TMEM232: variants seen among roughly 807,000 people sequenced by gnomAD.
TMEM232 encodes the protein transmembrane protein 232.
In TMEM232, 80 loss-of-function variants were observed where a neutral mutation model predicts 78.8. The ratio of observed to expected loss-of-function variants is 1.01; its 90% CI spans 0.85 to 1.22. The LOEUF is 1.22. Among genes scored for constraint, TMEM232 ranks in the 50% most tolerant of loss-of-function variants. The pLI, the probability that TMEM232 is intolerant of heterozygous loss-of-function variation, is 0.00. For missense variants in TMEM232, 881 were observed against 742.2 expected (o/e 1.19, Z -2.17); for synonymous variants, 297 against 254.3 (o/e 1.17, Z -1.60).
chr5:110,486,828 A>AT (rs912880479), intron 12 of TMEM232, among the ~76,000 whole-genome samples: 23 of 149,458 alleles, frequency 1.5e-4, no homozygotes, highest in East Asian at 5.9e-4. Flanking sequence ...GAATTTTAGA[A>AT]TTTTTTTTTT....
At chr5:110,634,186 G>T (rs2149985667) in intron 5 of TMEM232, among the ~76,000 whole-genome samples, 1 of 152,180 alleles carries the variant, frequency 6.6e-6, no homozygotes, top group South Asian at 2.1e-4. Flanking sequence ...GGAGCACCCA[G>T]ATTCACAAAA....
chr5:110,564,831 A>C (rs1776150859), intron 11 of TMEM232, among the ~76,000 whole-genome samples: 1 of 151,954 alleles, frequency 6.6e-6, no homozygotes, highest in South Asian at 2.1e-4. Context: ...TGAAGAGAAA[A>C]TACCAACCCA....
At chr5:110,410,210 C>G (rs1755940734) in intron 2 of TMEM232, among the ~76,000 whole-genome samples, 2 of 152,138 alleles carry the variant, frequency 1.3e-5, no homozygotes, top group Non-Finnish European at 2.9e-5. Flanking sequence ...TGAGTGTGGC[C>G]TTCCAATTCA....
exon 3 of TMEM232, chr5:110,397,825 G>A (rs949216571): frequency 1.3e-5 from 2 of 152,532 alleles, no homozygotes; most frequent in Non-Finnish European, 2.9e-5. Context: ...GTAACATGAT[G>A]TATAATTTTG....
chr5:110,433,952 T>C (rs951012652), intron 12 of TMEM232, among the ~76,000 whole-genome samples: 1 of 152,006 alleles, frequency 6.6e-6, no homozygotes, highest in Non-Finnish European at 1.5e-5. Flanking sequence ...TTTTCTGTGA[T>C]GTCTTTGCCA....
chr5:110,519,499 G>C (rs1365344831), intron 12 of TMEM232, among the ~76,000 whole-genome samples: 3 of 152,036 alleles, frequency 2.0e-5, no homozygotes, highest in Non-Finnish European at 4.4e-5. Context: ...GTGGAGAAAG[G>C]GGAACACTTG....
At chr5:110,539,653 G>A (rs771807215) in intron 11 of TMEM232, among the ~76,000 whole-genome samples, 3 of 152,210 alleles carry the variant, frequency 2.0e-5, no homozygotes, top group Non-Finnish European at 4.4e-5. Flanking sequence ...GGGCCTTAGA[G>A]AGGGATCTAA....
chr5:110,694,483 T>C (rs1794522871), intron 1 of TMEM232, among the ~76,000 whole-genome samples: 1 of 152,110 alleles, frequency 6.6e-6, no homozygotes, highest in South Asian at 2.1e-4. Context: ...ATGGGCTAAA[T>C]GCTACAATTA....
In TMEM232 at chr5:110,688,624, A is replaced by G. The variant is rs371689843; in HGVS notation, c.-12-21260T>C. ...GAGGTATGACAAACCAAAGGAGGCCATATAGATGGGACAATTGACCCAATA... is the reference window on the plus strand; with the variant it reads ...GAGGTATGACAAACCAAAGGAGGCCGTATAGATGGGACAATTGACCCAATA... On this transcript the variant is annotated intron_variant, in intron 1 of 13. Transcript: ENST00000455884. 5.9e-5 allele frequency among the ~76,000 whole-genome samples: 9 copies of G among 152,166 alleles called. No individual in the cohort carries two copies. In the East Asian group the frequency reaches 9.6e-4, roughly 16 times the overall value.
At chr5:110,395,649 T>G (rs185786194) in intron 3 of TMEM232, among the ~76,000 whole-genome samples, 1 of 152,242 alleles carries the variant, frequency 6.6e-6, no homozygotes, top group East Asian at 1.9e-4. Flanking sequence ...AGTATGGGAG[T>G]GATACTCTTT....
intron 12 of TMEM232, among the ~76,000 whole-genome samples, chr5:110,468,196 A>T (rs1055791004): frequency 6.9e-6 from 1 of 145,862 alleles, no homozygotes; most frequent in African/African-American, 2.5e-5. Context: ...CCAGAATACA[A>T]TGAAATAACA....
chr5:110,562,071 G>A (rs1001419741), intron 11 of TMEM232, among the ~76,000 whole-genome samples: 1 of 152,042 alleles, frequency 6.6e-6, no homozygotes, highest in Non-Finnish European at 1.5e-5. Flanking sequence ...AACATACCAT[G>A]AGTTCCAAAG....
chr5:110,573,296 G>A (rs972836949), intron 10 of TMEM232, among the ~76,000 whole-genome samples: 4 of 152,014 alleles, frequency 2.6e-5, no homozygotes, highest in Admixed American at 6.6e-5. Context: ...GTGTACATAA[G>A]TATAGCCTTT....
intron 1 of TMEM232, among the ~76,000 whole-genome samples, chr5:110,737,250 T>C (rs974506685): frequency 6.6e-6 from 1 of 151,904 alleles, no homozygotes; most frequent in African/African-American, 2.4e-5. Context: ...AACAACTGTA[T>C]GGATATACAC....
intron 5 of TMEM232, among the ~76,000 whole-genome samples, chr5:110,631,897 G>A (rs1304755778): frequency 1.3e-5 from 2 of 151,604 alleles, no homozygotes; most frequent in Admixed American, 6.6e-5. Flanking sequence ...GTCCACCACT[G>A]TCACTATCAG....
At chr5:110,503,875 A>G (rs988220188) in intron 12 of TMEM232, among the ~76,000 whole-genome samples, 4 of 152,242 alleles carry the variant, frequency 2.6e-5, no homozygotes, top group East Asian at 3.8e-4. Context: ...TTAGAGGACA[A>G]TGATGCCTTG....
intron 2 of TMEM232, among the ~76,000 whole-genome samples, chr5:110,399,005 A>G (rs530560381): frequency 6.6e-6 from 1 of 152,150 alleles, no homozygotes. Flanking sequence ...TCAGGCTAGA[A>G]TCTGTTTTTT....
intron 12 of TMEM232, among the ~76,000 whole-genome samples, chr5:110,442,663 G>T (rs1759195473): frequency 1.3e-5 from 2 of 151,948 alleles, no homozygotes; most frequent in South Asian, 4.2e-4. Flanking sequence ...ACAGTTTCCT[G>T]GATGGTCTTT....
At chr5:110,577,452 A>T (rs772391702) in intron 10 of TMEM232, among the ~76,000 whole-genome samples, 36 of 152,246 alleles carry the variant, frequency 2.4e-4, no homozygotes, top group Middle Eastern at 3.4e-3. Context: ...CTATTGTGGA[A>T]GACAGTGTGG....
Sources: gnomAD v4.1 joint callset for allele counts (sites outside exome capture counted in the v4.1 genomes callset) on GRCh38, gnomAD v4.1.1 for gene constraint, MANE v1.5 for transcripts, NCBI Gene and HGNC (gene_info 2026-07-23, HGNC 2026-07-21) for gene names.